DPP6: variants seen among roughly 807,000 people sequenced by gnomAD.
The protein encoded by DPP6 is A-type potassium channel modulatory protein DPP6.
A neutral mutation model predicts 122.6 loss-of-function variants in DPP6; 69 were observed. The observed-to-expected ratio is 0.56, with a 90% CI of 0.46 to 0.69. The LOEUF is 0.69. Among genes scored for constraint, DPP6 ranks in the 30% least tolerant of loss-of-function variants. The pLI, the probability that DPP6 is intolerant of heterozygous loss-of-function variation, is 0.00. For synonymous variants in DPP6, 418 were observed against 433.1 expected (o/e 0.97, Z 0.43); for missense variants, 928 against 1,116.9 (o/e 0.83, Z 2.41).
At chr7:153,812,415 C>A in the DPP6 span, among the ~76,000 whole-genome samples, 5 of 152,190 alleles carry the variant, frequency 3.3e-5, no homozygotes, top group East Asian at 9.7e-4. Context: ...AACCTTGAAA[C>A]TCAGCATGTT....
the DPP6 span, among the ~76,000 whole-genome samples, chr7:153,785,000 T>C: frequency 6.6e-6 from 1 of 152,204 alleles, no homozygotes; most frequent in Non-Finnish European, 1.5e-5. Context: ...CTACATTCAG[T>C]TTACAGGTAA....
At chr7:154,752,648 A>G (rs1249004840) in intron 8 of DPP6, among the ~76,000 whole-genome samples, 9 of 152,176 alleles carry the variant, frequency 5.9e-5, no homozygotes, top group Non-Finnish European at 1.2e-4. Context: ...GGCTTGGGTT[A>G]GGGACATTAA....
chr7:154,801,782 T>C (rs1798384849), intron 13 of DPP6, among the ~76,000 whole-genome samples: 1 of 152,080 alleles, frequency 6.6e-6, no homozygotes, highest in South Asian at 2.1e-4. Context: ...TCCTTCTCCC[T>C]CTGCTGAGGG....
rs762935463 is a variant in DPP6, at chr7:154,872,626, C to T, written c.1816C>T (p.Leu606=). Residue 606 remains leucine, a splice_region_variant and synonymous_variant, in exon 19 of 26, where the codon CTG becomes TTG. Transcript: ENST00000377770. The part of the protein sequence containing the change: ...YRDIEIDDYN[L]PMQILKPATF... ...TGCTGTGCTCTGCTTCTCCCCAGAC[C>T]TGCCCATGCAGATACTGAAGCCAGC... 1.3e-6 allele frequency: 2 copies of T among 1,599,682 alleles called. No individual in the cohort carries two copies. Among genetic ancestry groups the T allele is most frequent in the African/African-American group, 2.7e-5 (2 of 74,612 alleles).
chr7:154,661,092 C>T (rs1487282056), intron 6 of DPP6, among the ~76,000 whole-genome samples: 1 of 1,658 alleles, frequency 6.0e-4, no homozygotes. Context: ...GGTGAATCAC[C>T]ATGGCGTATT....
rs1031334746 is a variant in DPP6, at chr7:154,573,662, C to A, written c.627+6746C>A. On this transcript the variant is annotated intron_variant, in intron 5 of 25. Transcript: ENST00000377770. ...TTACTCTTAGCCGATATAAGGCCAA[C>A]TTCTCTGTGACTCTTACTACATGAG... Among the ~76,000 whole-genome samples the A allele has an allele frequency of 1.8e-3, 274 of 152,370 alleles. 1 individual carries two copies. Among genetic ancestry groups the A allele is most frequent in the South Asian group, 4.1e-3 (20 of 4,832 alleles).
chr7:154,092,470 C>A (rs1293589235), intron 1 of DPP6: 1 of 150,032 alleles, frequency 6.7e-6, no homozygotes, highest in East Asian at 2.0e-4. Flanking sequence ...ATATTTCTTC[C>A]CTCTTTCTTT....
At chr7:153,868,813 A>T in the DPP6 span, among the ~76,000 whole-genome samples, 1 of 151,146 alleles carries the variant, frequency 6.6e-6, no homozygotes, top group African/African-American at 2.4e-5. Flanking sequence ...CCCTCTACAC[A>T]CTGCTTTGAA....
intron 1 of DPP6, among the ~76,000 whole-genome samples, chr7:154,413,480 T>C (rs774776030): frequency 6.6e-6 from 1 of 152,234 alleles, no homozygotes; most frequent in African/African-American, 2.4e-5. Flanking sequence ...TTTCACCATC[T>C]TTTATTCATA....
chr7:154,605,022 CTTT>C lies in DPP6; in HGVS notation c.628-32789_628-32787del, dbSNP rs5888579. Among the ~76,000 whole-genome samples, 52 of 109,146 alleles carry C rather than the reference CTTT, an allele frequency of 4.8e-4. 6 individuals are homozygous for C. Among genetic ancestry groups the C allele is most frequent in the Middle Eastern group, 4.7e-3 (1 of 212 alleles). The allele number at this position is 109,146 out of a possible 152,430, so 71.6% of individuals were successfully genotyped here. The stretch of plus-strand genomic sequence containing the variant: ...GTGTTTTCTGTATGCTTTGGTATCT[CTTT>C]TTTTTTTTTGAGAAGATTAATATAG... On this transcript the variant is annotated intron_variant, in intron 5 of 25. Coordinates refer to ENST00000377770, the MANE Select transcript of DPP6 (RefSeq NM_130797.4).
chr7:154,073,527 A>T (rs1803280153), intron 1 of DPP6, among the ~76,000 whole-genome samples: 2 of 152,236 alleles, frequency 1.3e-5, no homozygotes. Context: ...ACCAGCCCAG[A>T]AGACTCAAGG....
rs1046455783 is a variant in DPP6 at position 154,241,716 on chromosome 7, G to A, written c.243+188653G>A. ...CACTTATCACATCTTGAAATTTCCC[G>A]AAGCTAACACGTGTCTAACCTGTTT... On this transcript the variant is annotated intron_variant, in intron 1 of 25. Transcript: ENST00000377770. The surrounding 1 kb of genome is among the most constrained non-coding windows in gnomAD (Gnocchi z 9.0). Among the ~76,000 whole-genome samples, 11 of 152,054 alleles carry A rather than the reference G, an allele frequency of 7.2e-5. No homozygotes were observed. Among genetic ancestry groups the A allele is most frequent in the East Asian group, 5.8e-4 (3 of 5,194 alleles).
At chr7:154,258,952 C>A (rs1428880306) in intron 1 of DPP6, among the ~76,000 whole-genome samples, 2 of 151,996 alleles carry the variant, frequency 1.3e-5, no homozygotes, top group Admixed American at 1.3e-4. Flanking sequence ...GAAAAAAGCC[C>A]CAGAGTTCAC....
chr7:154,080,202 A>C (rs529622778), intron 1 of DPP6, among the ~76,000 whole-genome samples: 1 of 152,108 alleles, frequency 6.6e-6, no homozygotes, highest in Non-Finnish European at 1.5e-5. Flanking sequence ...CTCTGATCCT[A>C]CCTCATTTAC....
intron 1 of DPP6, among the ~76,000 whole-genome samples, chr7:153,984,511 A>G (rs907772394): frequency 8.5e-5 from 13 of 152,238 alleles, no homozygotes; most frequent in African/African-American, 1.9e-4. Flanking sequence ...TGATTTGTGC[A>G]TGAAACTGCC....
At chr7:153,803,484 T>C in the DPP6 span, among the ~76,000 whole-genome samples, 861 of 152,010 alleles carry the variant, frequency 5.7e-3, 5 homozygotes, top group African/African-American at 0.018. Flanking sequence ...CGGGGATGCT[T>C]CACCTCATCT....
intron 1 of DPP6, among the ~76,000 whole-genome samples, chr7:153,902,897 A>G (rs1453652965): frequency 1.3e-5 from 2 of 152,182 alleles, no homozygotes; most frequent in Non-Finnish European, 2.9e-5. Context: ...AAGGAGAAGA[A>G]AACACTTTCC....
chr7:153,755,337 A>T, the DPP6 span, among the ~76,000 whole-genome samples: 2 of 137,812 alleles, frequency 1.5e-5, no homozygotes, highest in Non-Finnish European at 3.2e-5. Context: ...CAAGACTTTA[A>T]ATCTTTGTGA....
intron 1 of DPP6, among the ~76,000 whole-genome samples, chr7:154,054,187 C>T (rs1183647808): frequency 6.6e-6 from 1 of 152,146 alleles, no homozygotes; most frequent in African/African-American, 2.4e-5. Flanking sequence ...TTAGTCTACC[C>T]TGACATACCC....
Sources: gnomAD v4.1 joint callset for allele counts (sites outside exome capture counted in the v4.1 genomes callset) on GRCh38, gnomAD v4.1.1 for gene constraint, Gnocchi (gnomAD v3.1) non-coding constraint, MANE v1.5 for transcripts, NCBI Gene and HGNC (gene_info 2026-07-23, HGNC 2026-07-21) for gene names.